The following ETNPPL variants were observed in gnomAD, a reference collection of about 807,000 sequenced individuals.
ETNPPL encodes alanine--glyoxylate aminotransferase 2-like 1.
ETNPPL carries 30 observed loss-of-function variants against 55.5 expected under a neutral mutation model. The ratio of observed to expected loss-of-function variants is 0.54; its 90% CI spans 0.40 to 0.73. The LOEUF (loss-of-function observed/expected upper bound fraction) is 0.73. Among genes scored for constraint, ETNPPL ranks in the 30% least tolerant of loss-of-function variants. ETNPPL has a pLI of 0.00. For synonymous variants in ETNPPL, 202 were observed against 207.2 expected (o/e 0.98, Z 0.21); for missense variants, 528 against 607.9 (o/e 0.87, Z 1.38).
At chr4:108,743,187 C>T (rs530606353) in intron 12 of ETNPPL, among the ~76,000 whole-genome samples, 1 of 152,310 alleles carries the variant, frequency 6.6e-6, no homozygotes, top group Admixed American at 6.5e-5. Context: ...AATTATGCAA[C>T]AAAGCCTCTC....
intron 11 of ETNPPL, among the ~76,000 whole-genome samples, chr4:108,745,867 G>A (rs1180544767): frequency 2.0e-4 from 29 of 146,366 alleles, no homozygotes; most frequent in Non-Finnish European, 2.7e-4. Flanking sequence ...GGAGGCGGAG[G>A]CTGCAGTGAG....
intron 11 of ETNPPL, among the ~76,000 whole-genome samples, chr4:108,745,023 A>G (rs567517732): frequency 4.0e-5 from 6 of 151,556 alleles, no homozygotes; most frequent in Admixed American, 6.6e-5. Context: ...ATGTGCTGCC[A>G]TGCTGGCCTG....
chr4:108,756,565 G>A (rs1031507482), intron 3 of ETNPPL, 73 bp from the exon 4 acceptor site: 10 of 1,128,742 alleles, frequency 8.9e-6, no homozygotes, highest in Middle Eastern at 2.1e-4. Context: ...TGCCAGGCAC[G>A]GTAGCTCACG....
intron 12 of ETNPPL, among the ~76,000 whole-genome samples, chr4:108,743,458 C>T (rs1380542296): frequency 1.3e-5 from 2 of 152,190 alleles, no homozygotes; most frequent in African/African-American, 4.8e-5. Context: ...GAGGCAGTGT[C>T]AGGCAGCCCT....
At chr4:108,762,407 T>TTGGTTTGTTTGCTC (rs1298607214) in intron 1 of ETNPPL, 22 of 515,710 alleles carry the variant, frequency 4.3e-5, no homozygotes, top group Admixed American at 1.8e-4. Context: ...ATTGTCAGAA[T>TTGGTTTGTTTGCTC]TGGTTTGTTT....
intron 11 of ETNPPL, 116 bp from the exon 12 acceptor site, chr4:108,743,972 A>G (rs1728341748): frequency 1.4e-6 from 1 of 709,126 alleles, no homozygotes; most frequent in African/African-American, 1.8e-5. Context: ...GTTATGTGTT[A>G]AAAGAATGGG....
chr4:108,751,399 T>C (rs1728907782), intron 6 of ETNPPL, among the ~76,000 whole-genome samples: 1 of 152,204 alleles, frequency 6.6e-6, no homozygotes, highest in African/African-American at 2.4e-5. Flanking sequence ...TCGTGATGCC[T>C]GTTTCTTAAG....
In ETNPPL at chr4:108,759,748, C is replaced by T; in HGVS notation, c.335+1G>A. On this transcript the variant is annotated splice_donor_variant, in intron 3 of 12. Transcript: ENST00000296486. LOFTEE classifies it high-confidence loss of function. The stretch of plus-strand genomic sequence containing the variant: ...GAGGGGTGGGAAACCATGAAGCATA[C>T]CCTGAATTTGTAAAATAACAAACAG... 6.2e-7 allele frequency: 1 copy of T among 1,613,914 alleles called. No homozygotes were observed. Among genetic ancestry groups the T allele is most frequent in the Non-Finnish European group, 8.5e-7 (1 of 1,179,918 alleles).
At chr4:108,759,400 CAAA>C (rs59227589) in intron 3 of ETNPPL, among the ~76,000 whole-genome samples, 8,185 of 69,864 alleles carry the variant, frequency 0.12, 375 homozygotes, top group East Asian at 0.48. Flanking sequence ...GGCTCCATCT[CAAA>C]AAAAAAAAAA....
At chr4:108,754,215 T>C (rs1442084829) in intron 5 of ETNPPL, among the ~76,000 whole-genome samples, 5 of 152,022 alleles carry the variant, frequency 3.3e-5, no homozygotes, top group Non-Finnish European at 7.4e-5. Context: ...TGACCTCCAG[T>C]GATCCGCCCA....
At chr4:108,753,131 GT>G (rs1423357218) in intron 5 of ETNPPL, 120 bp from the exon 6 acceptor site, 7 of 610,464 alleles carry the variant, frequency 1.1e-5, no homozygotes, top group Admixed American at 3.0e-5. Context: ...GATACTTTAG[GT>G]TTTTTTGTTC....
In ETNPPL at chr4:108,743,882, A is replaced by C. The variant is rs780047739; in HGVS notation, c.1304-26T>G. 6.8e-5 allele frequency: 102 copies of C among 1,489,458 alleles called. 1 individual carries two copies. Among genetic ancestry groups the C allele is most frequent in the African/African-American group, 2.8e-5 (2 of 70,192 alleles). 92.3% of individuals were successfully genotyped at this position (1,489,458 alleles called of 1,614,324 possible). Reference sequence around the variant, plus strand: ...CTGAATCAAGGAAGGTATTATGGAGAAGACAAAATAACATAAAAACCTTAA... The same window carrying C: ...CTGAATCAAGGAAGGTATTATGGAGCAGACAAAATAACATAAAAACCTTAA... On this transcript the variant is annotated intron_variant, in intron 11 of 12. Coordinates refer to ENST00000296486, the MANE Select transcript of ETNPPL (RefSeq NM_031279.4).
intron 1 of ETNPPL, 183 bp downstream of exon 1, chr4:108,762,660 G>A (rs1428352365): frequency 4.1e-6 from 3 of 738,524 alleles, no homozygotes; most frequent in African/African-American, 3.5e-5. Flanking sequence ...CGGGTTCCAG[G>A]AGCGTTTCTG....
In ETNPPL at chr4:108,745,930, CA is replaced by C. The variant is rs5860940; in HGVS notation, c.1303+468del. 5.8e-3 allele frequency among the ~76,000 whole-genome samples: 412 copies of C among 70,834 alleles called. 1 individual carries two copies. The highest frequency in any genetic ancestry group is 0.016 in the Middle Eastern group (2 of 122). The allele number at this position is 70,834 out of a possible 152,430, so 46.5% of individuals were successfully genotyped here. On this transcript the variant is annotated intron_variant, in intron 11 of 12. Coordinates refer to ENST00000296486, the MANE Select transcript of ETNPPL (RefSeq NM_031279.4). The stretch of plus-strand genomic sequence containing the variant: ...TGGATGACAGAGTGAGACTCCATCT[CA>C]AAAAAAAAAAAAAAAAAAACCACGC...
chr4:108,758,887 C>G (rs977599647), intron 3 of ETNPPL, among the ~76,000 whole-genome samples: 8 of 152,106 alleles, frequency 5.3e-5, no homozygotes, highest in Non-Finnish European at 1.2e-4. Flanking sequence ...TCCATCTCTA[C>G]TAGAATACAA....
In ETNPPL at chr4:108,742,487, T is replaced by C. The variant is rs370797603; in HGVS notation, c.1497A>G (p.Thr499=). 3.1e-6 allele frequency: 5 copies of C among 1,614,140 alleles called. No individual in the cohort carries two copies. The highest frequency in any genetic ancestry group is 4.2e-6 in the Non-Finnish European group (5 of 1,179,978). Residue 499 remains threonine (T), a synonymous_variant, in exon 13 of 13, where the codon ACA becomes ACG. Transcript: ENST00000296486. ...THSLLSKRLK[T] ...CTTGCTTTAAAATGCAAATCAGTCA[T>C]GTCTTGAGCCTCTTACTGAGCAGTG...
At position 108,749,232 on chromosome 4, in the gene ETNPPL, A is replaced by C; in HGVS notation, c.927+6T>G. ...CTTAGCATTAAAGTTGGAGACCAAA[A>C]TGTACCGTATTAAAATATTCCATCC... On this transcript the variant is annotated splice_donor_region_variant and intron_variant, in intron 8 of 12. Coordinates refer to ENST00000296486, the MANE Select transcript of ETNPPL (RefSeq NM_031279.4). The C allele has an allele frequency of 6.2e-7, 1 of 1,603,486 alleles. No individual in the cohort carries two copies. Among genetic ancestry groups the C allele is most frequent in the Non-Finnish European group, 8.5e-7 (1 of 1,171,190 alleles).
chr4:108,753,790 AAGAAAGAAAG>A (rs1287161567), intron 5 of ETNPPL, among the ~76,000 whole-genome samples: 5 of 110,642 alleles, frequency 4.5e-5, no homozygotes, highest in Admixed American at 4.2e-4. Context: ...GAAAGAAAGA[AAGAAAGAAAG>A]AAAGAAAAGA....
intron 3 of ETNPPL, among the ~76,000 whole-genome samples, 170 bp from the exon 4 acceptor site, chr4:108,756,662 C>T (rs920572625): frequency 6.6e-6 from 1 of 152,072 alleles, no homozygotes; most frequent in African/African-American, 2.4e-5. Flanking sequence ...CCCGTCTCTA[C>T]TAAAATACAA....
Sources: allele counts gnomAD v4.1 joint callset (sites outside exome capture counted in the v4.1 genomes callset), GRCh38; gene constraint gnomAD v4.1.1; transcripts MANE v1.5; gene names NCBI Gene and HGNC (gene_info 2026-07-23, HGNC 2026-07-21).